FMN2: variants seen among roughly 807,000 people sequenced by gnomAD.
FMN2 encodes formin-2.
Under a neutral mutation model 142.3 loss-of-function variants are expected in FMN2, and 51 were observed. The ratio of observed to expected loss-of-function variants is 0.36; its 90% confidence interval spans 0.29 to 0.45. The LOEUF is 0.45. FMN2 is among the 20% of genes least tolerant of loss of function. The probability of loss-of-function intolerance (pLI) is 1.00; values close to 1 mark genes in which losing one functional copy is unlikely to be tolerated. For synonymous variants in FMN2, 882 were observed against 869.8 expected (o/e 1.01, Z -0.25); for missense variants, 1,936 against 2,122.8 (o/e 0.91, Z 1.73).
At chr1:240,352,797 A>G (rs1234184823) in intron 13 of FMN2, among the ~76,000 whole-genome samples, 3 of 152,200 alleles carry the variant, frequency 2.0e-5, no homozygotes, top group Non-Finnish European at 2.9e-5. Flanking sequence ...CTTAATATGC[A>G]TCTGGAAACA....
At chr1:240,166,277 T>C (rs2103301487) in intron 2 of FMN2, among the ~76,000 whole-genome samples, 1 of 152,162 alleles carries the variant, frequency 6.6e-6, no homozygotes, top group South Asian at 2.1e-4. Flanking sequence ...TTGCCCAGGC[T>C]GGAGTGCAAT....
At chr1:240,370,240 A>G (rs575122711) in intron 14 of FMN2, among the ~76,000 whole-genome samples, 83 of 152,014 alleles carry the variant, frequency 5.5e-4, no homozygotes, top group African/African-American at 1.9e-3. Context: ...ATTCAATATT[A>G]CTTTACCCCA....
chr1:240,338,077 G>A (rs1671624304), intron 13 of FMN2, among the ~76,000 whole-genome samples: 1 of 152,174 alleles, frequency 6.6e-6, no homozygotes, highest in Non-Finnish European at 1.5e-5. Flanking sequence ...AACATGCACG[G>A]AGCATTGAGT....
At chr1:240,136,087 A>G (rs189314017) in intron 2 of FMN2, among the ~76,000 whole-genome samples, 3 of 151,848 alleles carry the variant, frequency 2.0e-5, no homozygotes, top group African/African-American at 7.3e-5. Flanking sequence ...TTTTATACAT[A>G]TGTGTTTAAG....
intron 15 of FMN2, among the ~76,000 whole-genome samples, chr1:240,408,543 T>C (rs1674289571): frequency 6.6e-6 from 1 of 152,210 alleles, no homozygotes; most frequent in Non-Finnish European, 1.5e-5. Context: ...GTTTTTTTTC[T>C]GAACTGCAAG....
intron 14 of FMN2, among the ~76,000 whole-genome samples, chr1:240,365,197 A>G (rs891868277): frequency 7.1e-6 from 1 of 140,886 alleles, no homozygotes; most frequent in Non-Finnish European, 1.5e-5. Context: ...ATACATACAT[A>G]TGTGTGTGTA....
intron 8 of FMN2, among the ~76,000 whole-genome samples, chr1:240,295,202 A>ACACG (rs1553357569): frequency 3.8e-5 from 4 of 106,538 alleles, no homozygotes; most frequent in African/African-American, 6.3e-5. Flanking sequence ...ACACACACAC[A>ACACG]CACACACACA....
intron 13 of FMN2, 82 bp downstream of exon 13, chr1:240,334,311 A>C: frequency 7.1e-7 from 1 of 1,410,550 alleles, no homozygotes. Flanking sequence ...TTTTAGAGAA[A>C]AGTAATCTTT....
At chr1:240,435,354 A>G (rs1178612739) in intron 15 of FMN2, among the ~76,000 whole-genome samples, 1 of 151,920 alleles carries the variant, frequency 6.6e-6, no homozygotes, top group East Asian at 1.9e-4. Flanking sequence ...AATTATCACT[A>G]GTATCAGAAG....
At chr1:240,276,506 A>C (rs1482618278) in intron 7 of FMN2, among the ~76,000 whole-genome samples, 2 of 152,194 alleles carry the variant, frequency 1.3e-5, no homozygotes, top group Non-Finnish European at 2.9e-5. Context: ...GAGGATAACA[A>C]TGCACTTGAG....
chr1:240,238,757 G>T (rs1292713479), intron 6 of FMN2, among the ~76,000 whole-genome samples: 1 of 152,084 alleles, frequency 6.6e-6, no homozygotes, highest in African/African-American at 2.4e-5. Context: ...AGCATTACTT[G>T]AAAAACCCTA....
rs1676904063 is a variant in FMN2, at chr1:240,474,340, A to G, written c.*186A>G. The stretch of plus-strand genomic sequence containing the variant: ...ACTGTATATTCATATAAAAATGCAA[A>G]CGTACTAGACCAGTGGAGAATTTGA... On this transcript the variant is annotated 3_prime_UTR_variant, in exon 18 of 18. Coordinates refer to ENST00000319653, the MANE Select transcript of FMN2 (RefSeq NM_020066.5). 1.8e-6 allele frequency: 1 copy of G among 559,148 alleles called. No individual in the cohort carries two copies. Among genetic ancestry groups the G allele is most frequent in the Non-Finnish European group, 3.1e-6 (1 of 326,924 alleles). 34.6% of individuals were successfully genotyped at this position (559,148 alleles called of 1,614,324 possible).
chr1:240,141,039 A>G (rs1438768096), intron 2 of FMN2, among the ~76,000 whole-genome samples: 1 of 152,192 alleles, frequency 6.6e-6, no homozygotes, highest in African/African-American at 2.4e-5. Flanking sequence ...TAGAAAAGGA[A>G]AATTTCTTTC....
intron 13 of FMN2, among the ~76,000 whole-genome samples, chr1:240,350,941 A>C (rs1672076155): frequency 6.6e-6 from 1 of 152,192 alleles, no homozygotes; most frequent in South Asian, 2.1e-4. Flanking sequence ...TATGACAGGA[A>C]GATACAATGA....
At chr1:240,463,404 T>G (rs562051608) in intron 16 of FMN2, among the ~76,000 whole-genome samples, 1 of 152,284 alleles carries the variant, frequency 6.6e-6, no homozygotes, top group East Asian at 1.9e-4. Flanking sequence ...GGTTATGCTC[T>G]TAACCAAGGC....
chr1:240,336,551 T>TC (rs1558440204), intron 13 of FMN2, among the ~76,000 whole-genome samples: 1 of 43,070 alleles, frequency 2.3e-5, no homozygotes, highest in Non-Finnish European at 4.0e-5. Context: ...CATGGTATTC[T>TC]CCAAAAAAAA....
intron 1 of FMN2, among the ~76,000 whole-genome samples, chr1:240,114,652 ATTTC>A (rs1571940169): frequency 7.3e-6 from 1 of 137,776 alleles, no homozygotes; most frequent in South Asian, 2.3e-4. Flanking sequence ...TAATTATATC[ATTTC>A]TTTTTTTTTT....
intron 7 of FMN2, among the ~76,000 whole-genome samples, chr1:240,271,100 T>TTTTTTTTTTTG (rs1668995417): frequency 1.4e-5 from 2 of 139,726 alleles, no homozygotes; most frequent in African/African-American, 5.5e-5. Flanking sequence ...CCACGATGGT[T>TTTTTTTTTTTG]TTTTTTTTTT....
intron 7 of FMN2, among the ~76,000 whole-genome samples, chr1:240,265,491 G>T (rs1558401331): frequency 6.6e-6 from 1 of 152,134 alleles, no homozygotes; most frequent in Non-Finnish European, 1.5e-5. Context: ...TCTAGGTTTA[G>T]ATATGTTTCA....
Sources: gnomAD v4.1 joint callset for allele counts (sites outside exome capture counted in the v4.1 genomes callset) on GRCh38, gnomAD v4.1.1 for gene constraint, MANE v1.5 for transcripts, NCBI Gene and HGNC (gene_info 2026-07-23, HGNC 2026-07-21) for gene names.